Variants in PTPN23 observed in about 807,000 individuals in gnomAD.
The protein encoded by PTPN23 is protein tyrosine phosphatase non-receptor type 23.
A neutral mutation model predicts 156.3 loss-of-function variants in PTPN23; 72 were observed. That is an observed-to-expected ratio of 0.46 (90% CI 0.38 to 0.56). The LOEUF (loss-of-function observed/expected upper bound fraction) is 0.56, where lower values mean the gene tolerates loss of function less well. Ranked by LOEUF, PTPN23 falls within the 20% of genes least tolerant of loss-of-function variation. The probability of loss-of-function intolerance (pLI) is 0.00; values close to 1 mark genes in which losing one functional copy is unlikely to be tolerated. For missense variants in PTPN23, 1,974 were observed against 2,171.5 expected (o/e 0.91, Z 1.81); for synonymous variants, 957 against 899.6 (o/e 1.06, Z -1.14).
rs750975579 is a variant in PTPN23 at position 47,412,263 on chromosome 3, A to G, written c.4179-20A>G. On this transcript the variant is annotated intron_variant, in intron 22 of 24. Coordinates refer to ENST00000265562, the MANE Select transcript of PTPN23 (RefSeq NM_015466.4). ...TGGCCTAGCCTCATACCCCGGCCTC[A>G]TAACCCCTTCTTGGCACAGCTCTGG... is the stretch of plus-strand genomic sequence containing the variant. 5 of 1,612,978 alleles carry G rather than the reference A, an allele frequency of 3.1e-6. No individual in the cohort carries two copies. The South Asian group carries it at 5.5e-5, about 18-fold the overall frequency.
intron 2 of PTPN23, among the ~76,000 whole-genome samples, chr3:47,396,777 T>A (rs1205862379): frequency 6.6e-6 from 1 of 151,974 alleles, no homozygotes; most frequent in East Asian, 1.9e-4. Flanking sequence ...ACAAAAAAAA[T>A]TAGCCAGGCA....
rs1705307098 is a variant in PTPN23, at chr3:47,411,914, C to T, written c.4020C>T (p.Asp1340=). ...VERVLSLQFR[D]QSLKRSLVHL... is the part of the protein sequence containing the mutation. ...GCGTGCTGAGCCTGCAGTTCCGAGACCAGAGCCTCAAGCGCTCTCTTGTGC... is the reference window on the plus strand; with the variant it reads ...GCGTGCTGAGCCTGCAGTTCCGAGATCAGAGCCTCAAGCGCTCTCTTGTGC... The change falls in exon 21 of 25, where the codon GAC becomes GAT. Residue 1340 remains aspartate (D), a synonymous_variant. Coordinates refer to ENST00000265562, the MANE Select transcript of PTPN23 (RefSeq NM_015466.4). The surrounding 1 kb of genome is among the most constrained non-coding windows in gnomAD (Gnocchi z 6.3). 1.2e-6 allele frequency: 2 copies of T among 1,613,468 alleles called. No individual in the cohort carries two copies. Among genetic ancestry groups the T allele is most frequent in the Admixed American group, 1.7e-5 (1 of 60,006 alleles).
At position 47,412,156 on chromosome 3, in the gene PTPN23, T is replaced by A; in HGVS notation, c.4136T>A (p.Leu1379Gln). The change falls in exon 22 of 25, where the codon CTG (leucine) becomes CAG (glutamine). Residue 1379 changes from leucine (L) to glutamine (Q), a missense_variant. By Grantham distance (113) the Leu-to-Gln change is moderately radical (BLOSUM62 -2). Coordinates refer to ENST00000265562, the MANE Select transcript of PTPN23 (RefSeq NM_015466.4). ...ATCCAGGAGGTGCACGCACATTACCTGCATCAGCGGCCGCTGCACACGCCC... is the reference window on the plus strand; with the variant it reads ...ATCCAGGAGGTGCACGCACATTACCAGCATCAGCGGCCGCTGCACACGCCC... ...RFIQEVHAHY[L>Q]HQRPLHTPII... 6.2e-7 allele frequency: 1 copy of A among 1,613,214 alleles called. No individual in the cohort carries two copies. The highest frequency in any genetic ancestry group is 8.5e-7 in the Non-Finnish European group (1 of 1,180,034).
In PTPN23 at chr3:47,406,929, T is replaced by C. The variant is rs1479947501; in HGVS notation, c.807+179T>C. Among the ~76,000 whole-genome samples, 1 of 152,116 alleles carries C rather than the reference T, an allele frequency of 6.6e-6. No homozygotes were observed. Among genetic ancestry groups the C allele is most frequent in the Non-Finnish European group, 1.5e-5 (1 of 67,980 alleles). ...TGTGCAGCCCTCGTCCCTCGGGGTCTGAGGAGGTGGGGCAGGCTCCCTACA... is the reference window on the plus strand; with the variant it reads ...TGTGCAGCCCTCGTCCCTCGGGGTCCGAGGAGGTGGGGCAGGCTCCCTACA... On this transcript the variant is annotated intron_variant, in intron 9 of 24. Coordinates refer to ENST00000265562, the MANE Select transcript of PTPN23 (RefSeq NM_015466.4). The surrounding 1 kb of genome is among the most constrained non-coding windows in gnomAD (Gnocchi z 5.8).
Position 47,411,764 on chromosome 3 carries a change from T to G in PTPN23, c.3889-19T>G, listed in dbSNP as rs746682497. 5 of 1,599,800 alleles carry G rather than the reference T, an allele frequency of 3.1e-6. No individual in the cohort carries two copies. The highest frequency in any genetic ancestry group is 2.2e-5 in the East Asian group (1 of 44,612). ...GGATCCTGGAAAACCAGGTCTGTCTTGGCTTATCTGTCCCTCAGCAAAAAG... is the reference window on the plus strand; with the variant it reads ...GGATCCTGGAAAACCAGGTCTGTCTGGGCTTATCTGTCCCTCAGCAAAAAG... On this transcript the variant is annotated intron_variant, in intron 20 of 24. Coordinates refer to ENST00000265562, the MANE Select transcript of PTPN23 (RefSeq NM_015466.4). The surrounding 1 kb of genome is among the most constrained non-coding windows in gnomAD (Gnocchi z 6.3).
chr3:47,410,868 C>G lies in PTPN23; in HGVS notation c.3070C>G (p.Gln1024Glu), dbSNP rs1705266190. ...LHTQLYPGPA[Q>E]DPLPAHSGAL... Reference sequence around the variant, plus strand: ...CACCCAGCTCTACCCAGGTCCCGCTCAAGACCCTCTGCCAGCCCACTCAGG... The same window carrying G: ...CACCCAGCTCTACCCAGGTCCCGCTGAAGACCCTCTGCCAGCCCACTCAGG... Residue 1024 changes from glutamine to glutamate, a missense_variant, in exon 20 of 25, where the codon CAA becomes GAA. By Grantham distance (29) the Gln-to-Glu change is conservative. Transcript: ENST00000265562. 3 of 1,611,012 alleles carry G rather than the reference C, an allele frequency of 1.9e-6. No homozygotes were observed. The highest frequency in any genetic ancestry group is 1.3e-5 in the African/African-American group (1 of 74,608).
chr3:47,408,745 CAG>C (rs772566801), intron 15 of PTPN23, 29 bp from the exon 16 acceptor site: 6 of 1,555,220 alleles, frequency 3.9e-6, no homozygotes, highest in Admixed American at 1.8e-5. Context: ...CAGCCTGCCT[CAG>C]GGGCTGCCTG....
At position 47,405,621 on chromosome 3, in the gene PTPN23, T is replaced by C; in HGVS notation, c.365-128T>C. ...CTGTTCCCTCCAGCTTGGGTGTCCT[T>C]GGACTCGTTGCCCTGGTTCTCAGAG... On this transcript the variant is annotated intron_variant, in intron 4 of 24. Transcript: ENST00000265562. This position sits in a 1 kb window ranked among gnomAD's most constrained non-coding sequence, Gnocchi z 4.7. 1 of 941,106 alleles carries C rather than the reference T, an allele frequency of 1.1e-6. No individual in the cohort carries two copies. The highest frequency in any genetic ancestry group is 1.6e-6 in the Non-Finnish European group (1 of 619,238). The allele number at this position is 941,106 out of a possible 1,614,324, so 58.3% of individuals were successfully genotyped here. A position where few individuals can be genotyped will look rare whatever the true frequency, so the allele number is the denominator to read the frequency against.
intron 2 of PTPN23, among the ~76,000 whole-genome samples, chr3:47,402,231 G>T (rs917673049): frequency 1.3e-5 from 2 of 152,052 alleles, no homozygotes; most frequent in Non-Finnish European, 2.9e-5. Context: ...ACAATATGAA[G>T]AATTAAATAC....
chr3:47,384,241 G>A (rs920385738), intron 1 of PTPN23, among the ~76,000 whole-genome samples: 43 of 152,028 alleles, frequency 2.8e-4, no homozygotes, highest in Non-Finnish European at 5.1e-4. Flanking sequence ...GGCCGAGGCG[G>A]GCAGATCACG....
At position 47,412,570 on chromosome 3, in the gene PTPN23, G is replaced by A. The variant is rs1438686405; in HGVS notation, c.4374G>A (p.Gln1458=). ...TGAGACACGTGGAGCAGGTCCTGCA[G>A]CGCCATGGTGTGCCTCCTCCATGCA... ...AVVRHVEQVL[Q]RHGVPPPCKP... is the part of the protein sequence containing the mutation. Residue 1458 remains glutamine (Q), a synonymous_variant, in exon 24 of 25, where the codon CAG becomes CAA. Coordinates refer to ENST00000265562, the MANE Select transcript of PTPN23 (RefSeq NM_015466.4). 1 of 1,613,682 alleles carries A rather than the reference G, an allele frequency of 6.2e-7. No homozygotes were observed. Among genetic ancestry groups the A allele is most frequent in the Admixed American group, 1.7e-5 (1 of 60,026 alleles).
rs768465983 is a variant in PTPN23 at position 47,407,530 on chromosome 3, G to A, written c.949G>A (p.Asp317Asn). ...GTACAATTCTGCCAAGAAGGACAACGACTTCATTTACCATGAGGCTGTCCC... is the reference window on the plus strand; with the variant it reads ...GTACAATTCTGCCAAGAAGGACAACAACTTCATTTACCATGAGGCTGTCCC... The part of the protein sequence containing the change: ...GKYNSAKKDN[D>N]FIYHEAVPAL... The change falls in exon 12 of 25, where the codon GAC becomes AAC. Residue 317 changes from aspartate to asparagine, a missense_variant. By Grantham distance (23) the Asp-to-Asn change is conservative (BLOSUM62 1). Coordinates refer to ENST00000265562, the MANE Select transcript of PTPN23 (RefSeq NM_015466.4). This position sits in a 1 kb window ranked among gnomAD's most constrained non-coding sequence, Gnocchi z 4.0. 11 of 1,613,926 alleles carry A rather than the reference G, an allele frequency of 6.8e-6. No homozygotes were observed. Among genetic ancestry groups the A allele is most frequent in the Admixed American group, 5.0e-5 (3 of 60,004 alleles).
rs372616488 is a variant in PTPN23 at position 47,407,480 on chromosome 3, C to A, written c.924-25C>A. 5.3e-5 allele frequency: 86 copies of A among 1,610,982 alleles called. 1 individual carries two copies. The highest frequency in any genetic ancestry group is 7.2e-5 in the Non-Finnish European group (85 of 1,177,354). Reference sequence around the variant, plus strand: ...TCCCCACTGACACCCCGTGACTGCCCACTCCCCCTGCTCCTGATCCCCAGG... The same window carrying A: ...TCCCCACTGACACCCCGTGACTGCCAACTCCCCCTGCTCCTGATCCCCAGG... On this transcript the variant is annotated intron_variant, in intron 11 of 24. Coordinates refer to ENST00000265562, the MANE Select transcript of PTPN23 (RefSeq NM_015466.4). The surrounding 1 kb of genome is among the most constrained non-coding windows in gnomAD (Gnocchi z 4.0).
Position 47,408,778 on chromosome 3 carries a change from C to T in PTPN23, c.1333C>T (p.Leu445=). 1.9e-6 allele frequency: 3 copies of T among 1,585,562 alleles called. No individual in the cohort carries two copies. The highest frequency in any genetic ancestry group is 2.6e-6 in the Non-Finnish European group (3 of 1,164,310). Residue 445 remains leucine (L), a splice_region_variant and synonymous_variant, in exon 16 of 25, where the codon CTG becomes TTG. Transcript: ENST00000265562. ...VRNLVQSMQV[L]SGVFTDVEAS... ...GCCTGTACAATCCACAACCCCAGTG[C>T]TGTCAGGTGTGTTCACGGATGTGGA...
chr3:47,405,590 G>A lies in PTPN23; in HGVS notation c.365-159G>A. ...ACTGAGGGCTGGGCAGGACTTCTGAGTTTCCCTGTTCCCTCCAGCTTGGGT... is the reference window on the plus strand; with the variant it reads ...ACTGAGGGCTGGGCAGGACTTCTGAATTTCCCTGTTCCCTCCAGCTTGGGT... On this transcript the variant is annotated intron_variant, in intron 4 of 24. Coordinates refer to ENST00000265562, the MANE Select transcript of PTPN23 (RefSeq NM_015466.4). The surrounding 1 kb of genome is among the most constrained non-coding windows in gnomAD (Gnocchi z 4.7). The A allele has an allele frequency of 4.2e-6, 3 of 717,402 alleles. No individual in the cohort carries two copies. Among genetic ancestry groups the A allele is most frequent in the South Asian group, 3.6e-5 (2 of 55,134 alleles). The allele number at this position is 717,402 out of a possible 1,614,324, so 44.4% of individuals were successfully genotyped here. A position where few individuals can be genotyped will look rare whatever the true frequency, so the allele number is the denominator to read the frequency against.
rs1436601775 is a variant in PTPN23 at position 47,409,960 on chromosome 3, C to T, written c.2162C>T (p.Thr721Ile). Residue 721 changes from threonine (T) to isoleucine (I), a missense_variant, in exon 20 of 25, where the codon ACA (threonine) becomes ATA (isoleucine). This residue lies in a region of PTPN23 where 731 missense variants were observed against 669.1 expected (regional missense o/e 1.09). Transcript: ENST00000265562. ...AAGAAGAAGCCGCCGCCACGGCCCA[C>T]AGCCCCAAAGCCGCTGCTGCCCCGC... is the stretch of plus-strand genomic sequence containing the variant. ...ELKKKPPPRP[T>I]APKPLLPRRE... is the part of the protein sequence containing the mutation. The T allele has an allele frequency of 3.2e-6, 5 of 1,573,594 alleles. No homozygotes were observed. The highest frequency in any genetic ancestry group is 1.4e-5 in the African/African-American group (1 of 73,274).
In PTPN23 at chr3:47,412,441, G is replaced by A; in HGVS notation, c.4317+20G>A. 1 of 1,612,004 alleles carries A rather than the reference G, an allele frequency of 6.2e-7. No homozygotes were observed. The stretch of plus-strand genomic sequence containing the variant: ...GAGAAGGTGAGGATCTGGGCAGATG[G>A]GGCTGGGATGGGCCTTCTGTCCCAG... On this transcript the variant is annotated intron_variant, in intron 23 of 24. Coordinates refer to ENST00000265562, the MANE Select transcript of PTPN23 (RefSeq NM_015466.4).
At chr3:47,409,593 T>C (rs752831261) in intron 18 of PTPN23, 25 bp downstream of exon 18, 3 of 1,612,580 alleles carry the variant, frequency 1.9e-6, no homozygotes, top group Non-Finnish European at 2.5e-6. Flanking sequence ...CTCTGCTCTT[T>C]CCCGGAGCCA....
At chr3:47,382,399 G>T (rs1485192247) in intron 1 of PTPN23, among the ~76,000 whole-genome samples, 1 of 148,634 alleles carries the variant, frequency 6.7e-6, no homozygotes, top group Non-Finnish European at 1.5e-5. Context: ...TCGGCTCACC[G>T]CAACGTCAGC....
Sources: allele counts gnomAD v4.1 joint callset (sites outside exome capture counted in the v4.1 genomes callset), GRCh38; gene constraint gnomAD v4.1.1; regional missense constraint gnomAD v4.1.1; non-coding constraint Gnocchi (gnomAD v3.1); transcripts MANE v1.5; gene names NCBI Gene and HGNC (gene_info 2026-07-23, HGNC 2026-07-21).